The following CEP128 variants were observed in gnomAD, a reference collection of about 807,000 sequenced individuals.
The protein encoded by CEP128 is centrosomal protein 128kDa.
In CEP128, 132 loss-of-function variants were observed where a neutral mutation model predicts 156.7. That is an observed-to-expected ratio of 0.84 (90% CI 0.73 to 0.97). CEP128 has a LOEUF of 0.97. Among genes scored for constraint, CEP128 ranks in the 50% least tolerant of loss-of-function variants. The probability of loss-of-function intolerance (pLI) is 0.00; values close to 1 mark genes in which losing one functional copy is unlikely to be tolerated. For synonymous variants in CEP128, 469 were observed against 448.9 expected (o/e 1.04, Z -0.57); for missense variants, 1,252 against 1,281.9 (o/e 0.98, Z 0.36).
At chr14:80,932,227 T>C (rs1259598674) in intron 2 of CEP128, among the ~76,000 whole-genome samples, 1 of 152,260 alleles carries the variant, frequency 6.6e-6, no homozygotes, top group Non-Finnish European at 1.5e-5. Context: ...CTTTCCTTTA[T>C]AAATTACCCA....
At chr14:80,747,358 T>C (rs1385318687) in intron 18 of CEP128, among the ~76,000 whole-genome samples, 1 of 152,146 alleles carries the variant, frequency 6.6e-6, no homozygotes, top group Admixed American at 6.5e-5. Context: ...GATGAACAGA[T>C]TTAAAAAGTG....
chr14:80,887,569 T>C (rs1404377385), intron 8 of CEP128, among the ~76,000 whole-genome samples: 1 of 152,190 alleles, frequency 6.6e-6, no homozygotes, highest in Non-Finnish European at 1.5e-5. Context: ...CAAGAAGTTC[T>C]TTGAAACCAA....
At chr14:80,710,699 A>G (rs1326875098) in intron 19 of CEP128, among the ~76,000 whole-genome samples, 1 of 152,122 alleles carries the variant, frequency 6.6e-6, no homozygotes, top group Non-Finnish European at 1.5e-5. Context: ...CAAATGGTCT[A>G]CTAACTGGTC....
intron 19 of CEP128, among the ~76,000 whole-genome samples, chr14:80,695,418 T>C (rs748766687): frequency 1.3e-5 from 2 of 152,024 alleles, no homozygotes; most frequent in African/African-American, 2.4e-5. Flanking sequence ...AGCCAAGATA[T>C]GAACTTGCAG....
chr14:80,644,348 C>G (rs571847163), intron 19 of CEP128, among the ~76,000 whole-genome samples: 1 of 152,140 alleles, frequency 6.6e-6, no homozygotes, highest in Non-Finnish European at 1.5e-5. Context: ...TGGAGATAAA[C>G]GTTTAGGACT....
chr14:80,683,424 C>CTA (rs60148658), intron 19 of CEP128, among the ~76,000 whole-genome samples: 14,967 of 151,656 alleles, frequency 0.099, 2,410 homozygotes, highest in African/African-American at 0.34. Flanking sequence ...CTTACCTATC[C>CTA]TATATATATA....
chr14:80,863,172 G>T (rs1487242687), intron 8 of CEP128, among the ~76,000 whole-genome samples: 1 of 152,164 alleles, frequency 6.6e-6, no homozygotes, highest in Admixed American at 6.5e-5. Context: ...TAATACACTA[G>T]AAAAGAGTGC....
At chr14:80,529,346 T>C (rs1889120694) in intron 22 of CEP128, among the ~76,000 whole-genome samples, 1 of 152,242 alleles carries the variant, frequency 6.6e-6, no homozygotes, top group Non-Finnish European at 1.5e-5. Context: ...TATTTAGGCA[T>C]CTTCATATGT....
intron 20 of CEP128, among the ~76,000 whole-genome samples, chr14:80,560,766 C>T (rs923994383): frequency 2.6e-5 from 4 of 152,164 alleles, no homozygotes; most frequent in Non-Finnish European, 1.5e-5. Context: ...TGCTTCCTGC[C>T]GTTGAACACT....
At chr14:80,600,996 T>C (rs1185336754) in intron 19 of CEP128, among the ~76,000 whole-genome samples, 1 of 151,706 alleles carries the variant, frequency 6.6e-6, no homozygotes, top group Admixed American at 6.6e-5. Flanking sequence ...GAAGATGATA[T>C]ATGAAGAAGA....
At chr14:80,871,589 A>G (rs76615853) in intron 8 of CEP128, among the ~76,000 whole-genome samples, 5,815 of 152,246 alleles carry the variant, frequency 0.038, 170 homozygotes, top group Admixed American at 0.072. Flanking sequence ...ATATATTTAT[A>G]GCTTTTGAGT....
chr14:80,619,293 G>A (rs1172497045), intron 19 of CEP128, among the ~76,000 whole-genome samples: 1 of 149,750 alleles, frequency 6.7e-6, no homozygotes, highest in East Asian at 2.0e-4. Flanking sequence ...AGAAAGACTG[G>A]TACAACCAAA....
intron 19 of CEP128, among the ~76,000 whole-genome samples, chr14:80,653,925 GA>G (rs926081759): frequency 1.9e-4 from 29 of 152,200 alleles, no homozygotes; most frequent in African/African-American, 6.7e-4. Flanking sequence ...ATTGTTTCAT[GA>G]AACTTTTGGG....
At chr14:80,930,759 A>C (rs1594860248) in intron 2 of CEP128, among the ~76,000 whole-genome samples, 1 of 152,358 alleles carries the variant, frequency 6.6e-6, no homozygotes, top group South Asian at 2.1e-4. Flanking sequence ...AAAGAACAGA[A>C]GCAATTATTG....
chr14:80,618,508 A>G (rs1893325961), intron 19 of CEP128, among the ~76,000 whole-genome samples: 1 of 152,264 alleles, frequency 6.6e-6, no homozygotes, highest in Non-Finnish European at 1.5e-5. Flanking sequence ...ATTCACAAGA[A>G]GAAAGGAGGT....
intron 2 of CEP128, chr14:80,955,841 C>T (rs1241423317): frequency 1.3e-5 from 21 of 1,614,206 alleles, no homozygotes; most frequent in Non-Finnish European, 1.8e-5. Flanking sequence ...CCGCCCAGTA[C>T]GCAGACTCTG....
At chr14:80,485,718 G>T (rs142917289), downstream of CEP128, among the ~76,000 whole-genome samples, 1,011 of 152,272 alleles carry the variant, frequency 6.6e-3, 19 homozygotes, top group African/African-American at 0.023. Context: ...ATGAATAAAT[G>T]GATAGATGAT....
intron 2 of CEP128, chr14:80,955,896 A>G (rs1886649399): frequency 1.2e-6 from 2 of 1,613,388 alleles, no homozygotes; most frequent in South Asian, 2.2e-5. Flanking sequence ...GATCAAGGGC[A>G]TCTGCAGAGG....
intron 9 of CEP128, among the ~76,000 whole-genome samples, chr14:80,850,464 A>T (rs968350974): frequency 6.6e-6 from 1 of 152,218 alleles, no homozygotes; most frequent in African/African-American, 2.4e-5. Flanking sequence ...TATGACCTTT[A>T]TCAATTTATT....
Sources: gnomAD v4.1 joint callset for allele counts (sites outside exome capture counted in the v4.1 genomes callset) on GRCh38, gnomAD v4.1.1 for gene constraint, MANE v1.5 for transcripts, NCBI Gene and HGNC (gene_info 2026-07-23, HGNC 2026-07-21) for gene names.